The following HSPA4L variants were observed in gnomAD, a reference collection of about 807,000 sequenced individuals.
HSPA4L encodes heat shock 70 kDa protein 4L.
Under a neutral mutation model 100.3 loss-of-function variants are expected in HSPA4L, and 48 were observed. The ratio of observed to expected loss-of-function variants is 0.48; its 90% CI spans 0.38 to 0.61. The LOEUF (loss-of-function observed/expected upper bound fraction) is 0.61, where lower values mean the gene tolerates loss of function less well. HSPA4L is among the 20% of genes least tolerant of loss of function. HSPA4L has a pLI of 0.00. For missense variants in HSPA4L, 886 were observed against 988.6 expected, an observed-to-expected ratio of 0.90 and a Z score of 1.39; for synonymous variants, 319 against 328.2, an observed-to-expected ratio of 0.97 and a Z score of 0.30.
rs56013070 is a variant in HSPA4L, at chr4:127,804,608, AACACACAC to A, written c.986-432_986-425del. On this transcript the variant is annotated intron_variant, in intron 8 of 18. Coordinates refer to ENST00000296464, the MANE Select transcript of HSPA4L (RefSeq NM_014278.4). Reference sequence around the variant, plus strand: ...GCAACAGAGTGAGACTCTGTCTCAAAACACACACACACACACACACACACACACACACA... The same window carrying A: ...GCAACAGAGTGAGACTCTGTCTCAAAACACACACACACACACACACACACA... Among the ~76,000 whole-genome samples the A allele has an allele frequency of 5.8e-3, 841 of 144,362 alleles. 21 individuals carry two copies. Among genetic ancestry groups the A allele is most frequent in the Admixed American group, 0.035 (511 of 14,462 alleles). The allele number at this position is 144,362 out of a possible 152,430, so 94.7% of individuals were successfully genotyped here.
In HSPA4L at chr4:127,803,619, A is replaced by G. The variant is rs1195127219; in HGVS notation, c.664-10A>G. 3 of 1,562,524 alleles carry G rather than the reference A, an allele frequency of 1.9e-6. No homozygotes were observed. The highest frequency in any genetic ancestry group is 2.6e-6 in the Non-Finnish European group (3 of 1,157,618). ...TCTGAAAATACAGTTCTGCTTTTTC[A>G]ATTAAACAGGTCTTGGCTACTACCT... On this transcript the variant is annotated splice_polypyrimidine_tract_variant and intron_variant, in intron 6 of 18. Coordinates refer to ENST00000296464, the MANE Select transcript of HSPA4L (RefSeq NM_014278.4).
chr4:127,815,407 C>T (rs767197201), intron 12 of HSPA4L, among the ~76,000 whole-genome samples: 4 of 151,704 alleles, frequency 2.6e-5, no homozygotes, highest in African/African-American at 7.3e-5. Context: ...TATCAAGCCC[C>T]GGGTACTTTG....
At chr4:127,818,088 G>T (rs561669112) in intron 12 of HSPA4L, among the ~76,000 whole-genome samples, 2 of 142,874 alleles carry the variant, frequency 1.4e-5, no homozygotes, top group Non-Finnish European at 3.0e-5. Flanking sequence ...CACGTATTTT[G>T]CAATTACTTA....
chr4:127,796,926 C>G (rs902820914), intron 3 of HSPA4L, among the ~76,000 whole-genome samples: 1 of 152,182 alleles, frequency 6.6e-6, no homozygotes, highest in Non-Finnish European at 1.5e-5. Context: ...GAATTGTACA[C>G]TTCAGAAGGA....
At chr4:127,784,612 A>G (rs1732661075) in intron 1 of HSPA4L, among the ~76,000 whole-genome samples, 1 of 152,234 alleles carries the variant, frequency 6.6e-6, no homozygotes, top group South Asian at 2.1e-4. Flanking sequence ...TCTTCTCTCC[A>G]TGGCTGGGCA....
intron 1 of HSPA4L, among the ~76,000 whole-genome samples, chr4:127,786,569 G>T (rs1732724486): frequency 2.0e-5 from 3 of 152,142 alleles, no homozygotes; most frequent in Non-Finnish European, 2.9e-5. Flanking sequence ...GGGCTCAAAG[G>T]ATCCTCCCAC....
chr4:127,794,436 A>G (rs1165583021), intron 2 of HSPA4L, among the ~76,000 whole-genome samples: 1 of 152,118 alleles, frequency 6.6e-6, no homozygotes, highest in South Asian at 2.1e-4. Context: ...AATGAGGGAT[A>G]TTCTGTCTAG....
intron 16 of HSPA4L, among the ~76,000 whole-genome samples, chr4:127,825,334 C>G (rs1396641927): frequency 2.0e-5 from 3 of 152,046 alleles, no homozygotes; most frequent in African/African-American, 7.2e-5. Flanking sequence ...ATGCTGGTCC[C>G]TGAACTATTC....
upstream of HSPA4L, chr4:127,782,099 C>G (rs963608432): frequency 4.4e-6 from 2 of 455,680 alleles, no homozygotes; most frequent in African/African-American, 4.0e-5. Context: ...CCCGCCCCGC[C>G]TTCCCGCTTC....
Position 127,820,444 on chromosome 4 carries a change from A to G in HSPA4L, c.1691A>G (p.Lys564Arg). Residue 564 changes from lysine (K) to arginine (R), a missense_variant, in exon 14 of 19, where the codon AAA (lysine) becomes AGA (arginine). By Grantham distance (26) the Lys-to-Arg change is conservative (BLOSUM62 2). Transcript: ENST00000296464. ...GATTTGCAGTCAGCTGTCTCAGACAAACAAGACCGATTAAATCAGACACTT... is the reference window on the plus strand; with the variant it reads ...GATTTGCAGTCAGCTGTCTCAGACAGACAAGACCGATTAAATCAGACACTT... ...GAKTKSAVSDKQDRLNQTLKK... is the reference protein window; with the variant it reads ...GAKTKSAVSDRQDRLNQTLKK... 1 of 1,599,756 alleles carries G rather than the reference A, an allele frequency of 6.3e-7. No homozygotes were observed. The highest frequency in any genetic ancestry group is 8.5e-7 in the Non-Finnish European group (1 of 1,175,468).
At chr4:127,812,712 T>TA in intron 12 of HSPA4L, 2 of 919,860 alleles carry the variant, frequency 2.2e-6, no homozygotes, top group Non-Finnish European at 3.5e-6. Context: ...TTTTTTTTTT[T>TA]AACACCTATG....
At chr4:127,825,039 C>T (rs1187247312) in intron 16 of HSPA4L, among the ~76,000 whole-genome samples, 1 of 151,800 alleles carries the variant, frequency 6.6e-6, no homozygotes, top group Non-Finnish European at 1.5e-5. Flanking sequence ...ACTCTGGAGG[C>T]TGAGGCAGGA....
intron 1 of HSPA4L, among the ~76,000 whole-genome samples, chr4:127,787,868 T>C (rs1458717220): frequency 6.6e-6 from 1 of 152,130 alleles, no homozygotes; most frequent in African/African-American, 2.4e-5. Flanking sequence ...AGGTTTAATA[T>C]AGCACTGATA....
chr4:127,801,075 ATTT>A, intron 4 of HSPA4L, 60 bp from the exon 5 acceptor site: 1 of 1,224,358 alleles, frequency 8.2e-7, no homozygotes, highest in Non-Finnish European at 1.2e-6. Context: ...GGGTAATTAT[ATTT>A]TTCAGTTGAC....
chr4:127,797,555 G>T (rs980321433), intron 3 of HSPA4L, among the ~76,000 whole-genome samples: 5 of 150,322 alleles, frequency 3.3e-5, no homozygotes, highest in African/African-American at 1.2e-4. Flanking sequence ...TTATACATTT[G>T]TTTTTTATAC....
In HSPA4L at chr4:127,839,845, C is replaced by T. The variant is rs1428212312; in HGVS notation, c.*6971C>T. On this transcript the variant is annotated 3_prime_UTR_variant, in exon 19 of 19. Coordinates refer to ENST00000296464, the MANE Select transcript of HSPA4L (RefSeq NM_014278.4). ...GCTTTTATATTTGGTAGGATAAAGC[C>T]ATTGTCCTTTAATACCATAGCAAAT... 6.6e-6 allele frequency: 1 copy of T among 152,082 alleles called. No homozygotes were observed. The highest frequency in any genetic ancestry group is 1.9e-4 in the East Asian group (1 of 5,184). 9.4% of individuals were successfully genotyped at this position (152,082 alleles called of 1,614,324 possible). A position where few individuals can be genotyped will look rare whatever the true frequency, so the allele number is the denominator to read the frequency against.
chr4:127,825,426 C>A (rs564507733), intron 16 of HSPA4L, among the ~76,000 whole-genome samples: 3 of 152,146 alleles, frequency 2.0e-5, no homozygotes, highest in African/African-American at 7.2e-5. Flanking sequence ...TGGCCCTTTA[C>A]AACTTGGGAC....
At chr4:127,811,883 G>A (rs1733541533) in intron 12 of HSPA4L, among the ~76,000 whole-genome samples, 1 of 152,090 alleles carries the variant, frequency 6.6e-6, no homozygotes. Context: ...GTATTACATG[G>A]AGCAGGTGAA....
At chr4:127,794,315 A>C (rs1350983201) in intron 2 of HSPA4L, among the ~76,000 whole-genome samples, 181 bp downstream of exon 2, 1 of 151,948 alleles carries the variant, frequency 6.6e-6, no homozygotes, top group Non-Finnish European at 1.5e-5. Flanking sequence ...GTTGTAAAAT[A>C]TTTCTTGAAT....
Sources: gnomAD v4.1 joint callset for allele counts (sites outside exome capture counted in the v4.1 genomes callset) on GRCh38, gnomAD v4.1.1 for gene constraint, MANE v1.5 for transcripts, NCBI Gene and HGNC (gene_info 2026-07-23, HGNC 2026-07-21) for gene names.